Variants in PRKG1 observed in about 807,000 individuals in gnomAD.
PRKG1 encodes cGMP-dependent protein kinase 1.
Under a neutral mutation model 88.1 loss-of-function variants are expected in PRKG1, and 35 were observed. The observed-to-expected ratio is 0.40, with a 90% CI of 0.30 to 0.53. The LOEUF (loss-of-function observed/expected upper bound fraction) is 0.53. PRKG1 is among the 20% of genes least tolerant of loss of function. The probability of loss-of-function intolerance (pLI) is 0.59; values close to 1 mark genes in which losing one functional copy is unlikely to be tolerated. For missense variants in PRKG1, 540 were observed against 839.8 expected (o/e 0.64, Z 4.41); for synonymous variants, 303 against 292.5 (o/e 1.04, Z -0.37).
intron 8 of PRKG1, among the ~76,000 whole-genome samples, chr10:52,157,138 C>T (rs560354732): frequency 1.2e-4 from 18 of 150,504 alleles, no homozygotes; most frequent in African/African-American, 4.4e-4. Flanking sequence ...AATGTTTATA[C>T]AAAATTCTAA....
chr10:51,313,095 A>G (rs200745171), intron 2 of PRKG1, among the ~76,000 whole-genome samples: 1 of 142,984 alleles, frequency 7.0e-6, no homozygotes, highest in African/African-American at 2.6e-5. Flanking sequence ...GTGTGTGTGT[A>G]GGGTGTGTGT....
At position 51,108,820 on chromosome 10, in the gene PRKG1, T is replaced by C. The variant is rs1013746781; in HGVS notation, c.311+33919T>C. Among the ~76,000 whole-genome samples, 7 of 152,228 alleles carry C rather than the reference T, an allele frequency of 4.6e-5. No individual in the cohort carries two copies. The East Asian group carries it at 1.2e-3, about 25-fold the overall frequency. ...TATATTTATATTGGAAAGGATGGAGTATAAATAGCTTTTTTTCAGGCAATA... is the reference window on the plus strand; with the variant it reads ...TATATTTATATTGGAAAGGATGGAGCATAAATAGCTTTTTTTCAGGCAATA... On this transcript the variant is annotated intron_variant, in intron 1 of 17. Coordinates refer to ENST00000373980, the MANE Select transcript of PRKG1 (RefSeq NM_006258.4).
At chr10:52,203,505 A>T (rs1839730786) in intron 9 of PRKG1, among the ~76,000 whole-genome samples, 1 of 152,136 alleles carries the variant, frequency 6.6e-6, no homozygotes, top group Non-Finnish European at 1.5e-5. Flanking sequence ...TTTGGGGTGA[A>T]GTGTTCTATA....
chr10:51,278,220 T>TCTG (rs1385901302), intron 2 of PRKG1, among the ~76,000 whole-genome samples: 1 of 152,168 alleles, frequency 6.6e-6, no homozygotes, highest in African/African-American at 2.4e-5. Flanking sequence ...ATCATGTGGT[T>TCTG]TTTGTCGTTG....
chr10:51,563,244 G>A (rs12359318), intron 3 of PRKG1, among the ~76,000 whole-genome samples: 48,839 of 152,060 alleles, frequency 0.32, 9,068 homozygotes, highest in Non-Finnish European at 0.43. Context: ...GTACACCACT[G>A]TAGATTACTA....
chr10:51,555,342 T>C (rs746832362), intron 3 of PRKG1, among the ~76,000 whole-genome samples: 8 of 152,006 alleles, frequency 5.3e-5, no homozygotes, highest in Non-Finnish European at 8.8e-5. Context: ...TATTTTTTCA[T>C]TATTTAATAG....
intron 3 of PRKG1, among the ~76,000 whole-genome samples, chr10:51,592,814 G>A (rs12251839): frequency 0.072 from 10,933 of 152,114 alleles, 1,290 homozygotes; most frequent in African/African-American, 0.25. Flanking sequence ...CAGTTTGTAT[G>A]CTACATCTCA....
intron 1 of PRKG1, among the ~76,000 whole-genome samples, chr10:51,061,220 A>G (rs770749591): frequency 6.6e-6 from 1 of 152,140 alleles, no homozygotes; most frequent in Non-Finnish European, 1.5e-5. Flanking sequence ...ACGAAGGAAG[A>G]GCAAAGGGAC....
intron 3 of PRKG1, among the ~76,000 whole-genome samples, chr10:51,598,528 A>T (rs1194862557): frequency 6.6e-6 from 1 of 152,164 alleles, no homozygotes. Context: ...AGAGTGCTGG[A>T]ATTATAGGCG....
chr10:51,921,359 G>A (rs1487187116), intron 5 of PRKG1, among the ~76,000 whole-genome samples: 1 of 151,994 alleles, frequency 6.6e-6, no homozygotes, highest in Non-Finnish European at 1.5e-5. Flanking sequence ...ATTTATGATT[G>A]AGGACAATTT....
intron 7 of PRKG1, among the ~76,000 whole-genome samples, chr10:52,102,479 GC>G (rs1471524586): frequency 6.6e-6 from 1 of 151,444 alleles, no homozygotes; most frequent in Admixed American, 6.6e-5. Flanking sequence ...AAGCCATCAA[GC>G]CCAAAACAAC....
intron 3 of PRKG1, among the ~76,000 whole-genome samples, chr10:51,531,252 G>A (rs1232774888): frequency 2.6e-5 from 4 of 152,156 alleles, no homozygotes; most frequent in Non-Finnish European, 5.9e-5. Context: ...TATGCAATAA[G>A]CTTGTAAAAG....
At chr10:51,501,464 G>A (rs1841021317) in intron 3 of PRKG1, among the ~76,000 whole-genome samples, 2 of 152,242 alleles carry the variant, frequency 1.3e-5, no homozygotes, top group South Asian at 2.1e-4. Flanking sequence ...ATGGATTCCT[G>A]TAGAACATCT....
intron 5 of PRKG1, among the ~76,000 whole-genome samples, chr10:51,949,923 T>C (rs182518143): frequency 9.8e-5 from 15 of 152,314 alleles, no homozygotes; most frequent in Non-Finnish European, 1.5e-4. Context: ...TTGGAATTCT[T>C]ATGTCCAAGG....
At chr10:51,914,192 A>C (rs951726317) in intron 5 of PRKG1, among the ~76,000 whole-genome samples, 4 of 151,852 alleles carry the variant, frequency 2.6e-5, no homozygotes, top group Non-Finnish European at 5.9e-5. Flanking sequence ...TGCTTACCCA[A>C]TCACAATGGA....
intron 8 of PRKG1, among the ~76,000 whole-genome samples, chr10:52,155,381 G>A (rs1838063307): frequency 6.6e-6 from 1 of 151,870 alleles, no homozygotes; most frequent in Admixed American, 6.6e-5. Context: ...TTAAGCTAAT[G>A]TTTGTCACCA....
chr10:51,529,561 A>C (rs1293738144), intron 3 of PRKG1, among the ~76,000 whole-genome samples: 1 of 152,010 alleles, frequency 6.6e-6, no homozygotes, highest in Non-Finnish European at 1.5e-5. Flanking sequence ...TCCTTTCCAA[A>C]ACACTCTTTT....
At chr10:51,056,820 C>A (rs1183497295) in intron 1 of PRKG1, among the ~76,000 whole-genome samples, 4 of 151,962 alleles carry the variant, frequency 2.6e-5, no homozygotes, top group African/African-American at 7.3e-5. Flanking sequence ...GAACCCCTGA[C>A]CCCATGTCTG....
At chr10:51,167,002 C>T (rs968688731) in intron 2 of PRKG1, among the ~76,000 whole-genome samples, 2 of 152,120 alleles carry the variant, frequency 1.3e-5, no homozygotes, top group Non-Finnish European at 2.9e-5. Flanking sequence ...GAAACACCTA[C>T]TCAGTGATGA....
Sources: allele counts gnomAD v4.1 joint callset (sites outside exome capture counted in the v4.1 genomes callset), GRCh38; gene constraint gnomAD v4.1.1; transcripts MANE v1.5; gene names NCBI Gene and HGNC (gene_info 2026-07-23, HGNC 2026-07-21).